The following CKLF variants were observed in gnomAD, a reference collection of about 807,000 sequenced individuals.
CKLF encodes chemokine-like factor.
CKLF carries 16 observed loss-of-function variants against 12.9 expected under a neutral mutation model. The ratio of observed to expected loss-of-function variants is 1.24; its 90% CI spans 0.84 to 1.88. CKLF has a LOEUF of 1.88. Among genes scored for constraint, CKLF ranks in the 40% most tolerant of loss-of-function variants. The pLI is 0.00. For synonymous variants in CKLF, 61 were observed against 69.0 expected (o/e 0.88, Z 0.57); for missense variants, 172 against 188.5 (o/e 0.91, Z 0.51).
At chr16:66,558,436 C>T in intron 2 of CKLF, 88 bp downstream of exon 2, 1 of 1,507,380 alleles carries the variant, frequency 6.6e-7, no homozygotes, top group South Asian at 1.3e-5. Context: ...TCTCTTAAAC[C>T]TTTAAGGTAA....
intron 1 of CKLF, chr16:66,553,307 GA>G (rs555475765): frequency 1.6e-3 from 230 of 142,898 alleles, no homozygotes; most frequent in South Asian, 3.6e-3. Context: ...AGATTTGAAA[GA>G]AAAAAAAAAA....
rs748418833 is a variant in CKLF, at chr16:66,552,762, G to A, written c.47G>A (p.Ser16Asn). ...PKIKHRPFCF[S>N]VKGHVKMLRL... ...ATAAAACATCGCCCCTTCTGCTTCA[G>A]TGTGAAAGGCCACGTGAAGATGCTG... The change falls in exon 1 of 4, where the codon AGT becomes AAT. Residue 16 changes from serine (S) to asparagine (N), a missense_variant. By Grantham distance (46) the Ser-to-Asn change is conservative. Coordinates refer to ENST00000264001, the MANE Select transcript of CKLF (RefSeq NM_016951.4). 2 of 1,614,144 alleles carry A rather than the reference G, an allele frequency of 1.2e-6. No homozygotes were observed. Among genetic ancestry groups the A allele is most frequent in the Admixed American group, 1.7e-5 (1 of 60,026 alleles).
intron 1 of CKLF, among the ~76,000 whole-genome samples, chr16:66,555,572 T>C (rs1406738827): frequency 6.6e-6 from 1 of 151,964 alleles, no homozygotes; most frequent in Non-Finnish European, 1.5e-5. Flanking sequence ...ATAAAGCAAA[T>C]GTGAAAAAAG....
chr16:66,552,841 G>A (rs375749120), intron 1 of CKLF, 48 bp downstream of exon 1: 4 of 1,613,372 alleles, frequency 2.5e-6, no homozygotes, highest in Middle Eastern at 1.7e-4. Flanking sequence ...CTGCTGGGGG[G>A]CGGGAGATGT....
chr16:66,558,160 C>T, intron 1 of CKLF, 30 bp from the exon 2 acceptor site: 1 of 1,599,852 alleles, frequency 6.3e-7, no homozygotes, highest in Non-Finnish European at 8.5e-7. Context: ...TCAGTTGTCA[C>T]TGAATAAATC....
chr16:66,565,638 C>T (rs1258538129), intron 3 of CKLF: 2 of 501,164 alleles, frequency 4.0e-6, no homozygotes, highest in Admixed American at 3.4e-5. Context: ...AGAGCCCACA[C>T]TGCTTTATTA....
chr16:66,558,115 T>A, intron 1 of CKLF, 75 bp from the exon 2 acceptor site: 1 of 1,579,426 alleles, frequency 6.3e-7, no homozygotes, highest in South Asian at 1.2e-5. Context: ...GCCTATTATT[T>A]TAGAAATTGT....
intron 2 of CKLF, among the ~76,000 whole-genome samples, chr16:66,562,573 T>A (rs2011807096): frequency 6.6e-6 from 1 of 152,196 alleles, no homozygotes; most frequent in Non-Finnish European, 1.5e-5. Context: ...AAGTAAATGA[T>A]TGGCATATCA....
chr16:66,555,468 G>T (rs533442802), intron 1 of CKLF, among the ~76,000 whole-genome samples: 1 of 152,268 alleles, frequency 6.6e-6, no homozygotes, highest in African/African-American at 2.4e-5. Context: ...GCCAGATGTG[G>T]GGAAAAAGAG....
At chr16:66,560,972 T>C (rs1490634088) in intron 2 of CKLF, among the ~76,000 whole-genome samples, 1 of 151,698 alleles carries the variant, frequency 6.6e-6, no homozygotes, top group Non-Finnish European at 1.5e-5. Flanking sequence ...ACTGAGGAAA[T>C]ATGGCCAGGG....
At chr16:66,555,016 ATTTGAAGTCAGGAGT>A (rs2011370248) in intron 1 of CKLF, among the ~76,000 whole-genome samples, 1 of 152,188 alleles carries the variant, frequency 6.6e-6, no homozygotes, top group East Asian at 1.9e-4. Context: ...CAGGCAGATC[ATTTGAAGTCAGGAGT>A]TCCAGCAGCC....
At chr16:66,559,545 T>A (rs772253213) in intron 2 of CKLF, among the ~76,000 whole-genome samples, 3 of 152,222 alleles carry the variant, frequency 2.0e-5, no homozygotes, top group Non-Finnish European at 2.9e-5. Context: ...TGAACACTGG[T>A]CCACATCCTC....
chr16:66,559,643 A>G (rs1247749078), intron 2 of CKLF, among the ~76,000 whole-genome samples: 1 of 152,186 alleles, frequency 6.6e-6, no homozygotes, highest in Non-Finnish European at 1.5e-5. Context: ...TTCCAAACAT[A>G]ATTCCTTGGA....
At chr16:66,560,969 A>G (rs1294381885) in intron 2 of CKLF, among the ~76,000 whole-genome samples, 1 of 152,088 alleles carries the variant, frequency 6.6e-6, no homozygotes, top group African/African-American at 2.4e-5. Flanking sequence ...TGAACTGAGG[A>G]AATATGGCCA....
chr16:66,566,001 A>T lies in CKLF; in HGVS notation c.449A>T (p.Glu150Val), dbSNP rs759702685. The T allele has an allele frequency of 1.1e-5, 18 of 1,609,946 alleles. No individual in the cohort carries two copies. The highest frequency in any genetic ancestry group is 3.3e-5 in the Admixed American group (2 of 59,876). The stretch of plus-strand genomic sequence containing the variant: ...AAAAAGCCTGTGCATGAAAAAAAAG[A>T]AGTTTTGTAATTTTATATTACTTTT... ...YQKKPVHEKKEVL is the reference protein window; with the variant it reads ...YQKKPVHEKKVVL The change falls in exon 4 of 4, where the codon GAA (glutamate) becomes GTA (valine). Residue 150 changes from glutamate (E) to valine (V), a missense_variant. By Grantham distance (121) the Glu-to-Val change is moderately radical (BLOSUM62 -2). Coordinates refer to ENST00000264001, the MANE Select transcript of CKLF (RefSeq NM_016951.4). The surrounding 1 kb of genome is among the most constrained non-coding windows in gnomAD (Gnocchi z 4.9).
In CKLF at chr16:66,565,927, G is replaced by C; in HGVS notation, c.375G>C (p.Gly125=). Residue 125 remains glycine (G), a synonymous_variant, in exon 4 of 4, where the codon GGG becomes GGC. Coordinates refer to ENST00000264001, the MANE Select transcript of CKLF (RefSeq NM_016951.4). Reference sequence around the variant, plus strand: ...CAGCAGTATGCTGTCTTGCCGACGGGGCCCTTATTTACCGGAAGCTTCTGT... The same window carrying C: ...CAGCAGTATGCTGTCTTGCCGACGGCGCCCTTATTTACCGGAAGCTTCTGT... ...LVTAVCCLAD[G]ALIYRKLLFN... is the part of the protein sequence containing the mutation. The C allele has an allele frequency of 6.2e-7, 1 of 1,614,084 alleles. No individual in the cohort carries two copies. Among genetic ancestry groups the C allele is most frequent in the East Asian group, 2.2e-5 (1 of 44,884 alleles).
At chr16:66,566,153 T>A, downstream of CKLF, 1 of 1,593,088 alleles carries the variant, frequency 6.3e-7, no homozygotes, top group African/African-American at 1.4e-5. This position sits in a 1 kb window ranked among gnomAD's most constrained non-coding sequence, Gnocchi z 4.9. Flanking sequence ...AGCACTACTG[T>A]AACTTCCAAG....
At chr16:66,554,258 T>C (rs949036814) in intron 1 of CKLF, among the ~76,000 whole-genome samples, 2 of 152,130 alleles carry the variant, frequency 1.3e-5, no homozygotes, top group South Asian at 2.1e-4. Context: ...CATGAGCAGA[T>C]AGTTAAGATA....
At chr16:66,554,237 T>C (rs1228991225) in intron 1 of CKLF, among the ~76,000 whole-genome samples, 1 of 152,198 alleles carries the variant, frequency 6.6e-6, no homozygotes, top group African/African-American at 2.4e-5. Flanking sequence ...AGTTTAATTA[T>C]GAGACAGACA....
Sources: allele counts gnomAD v4.1 joint callset (sites outside exome capture counted in the v4.1 genomes callset), GRCh38; gene constraint gnomAD v4.1.1; non-coding constraint Gnocchi (gnomAD v3.1); transcripts MANE v1.5; gene names NCBI Gene and HGNC (gene_info 2026-07-23, HGNC 2026-07-21).